MATR3: variants seen among roughly 807,000 people sequenced by gnomAD.
MATR3 encodes the protein matrin-3.
MATR3 carries 4 observed loss-of-function variants against 85.5 expected under a neutral mutation model. The observed-to-expected ratio is 0.05, with a 90% CI of 0.02 to 0.11. MATR3 has a LOEUF of 0.11. Ranked by LOEUF, MATR3 falls within the 10% of genes least tolerant of loss-of-function variation. MATR3 has a pLI of 1.00. For missense variants in MATR3, 685 were observed against 1,016.1 expected (o/e 0.67, Z 4.43); for synonymous variants, 336 against 343.1 (o/e 0.98, Z 0.23).
chr5:139,314,514 A>G, intron 2 of MATR3, 161 bp from the exon 3 acceptor site: 2 of 646,800 alleles, frequency 3.1e-6, no homozygotes, highest in African/African-American at 1.8e-5. Context: ...TCAAGGATTC[A>G]GAGAAATGGT....
chr5:139,316,894 C>T (rs1455444199), intron 5 of MATR3, among the ~76,000 whole-genome samples, 159 bp from the exon 6 acceptor site: 2 of 152,136 alleles, frequency 1.3e-5, no homozygotes, highest in Non-Finnish European at 2.9e-5. Context: ...AAGGCTCATT[C>T]AAATATTACA....
At chr5:139,300,224 G>T (rs1754369086) in intron 1 of MATR3, among the ~76,000 whole-genome samples, 2 of 152,128 alleles carry the variant, frequency 1.3e-5, no homozygotes, top group Admixed American at 1.3e-4. Context: ...AATTTGCCAG[G>T]TGTGGTGGTG....
chr5:139,297,744 A>G (rs1037761074), intron 1 of MATR3, among the ~76,000 whole-genome samples: 3 of 152,200 alleles, frequency 2.0e-5, no homozygotes, highest in African/African-American at 7.2e-5. Context: ...GATAAAGCTC[A>G]AGGCTCTTTG....
In MATR3 at chr5:139,322,578, G is replaced by A. The variant is rs756471273; in HGVS notation, c.1779-20G>A. 6.4e-7 allele frequency: 1 copy of A among 1,554,472 alleles called. No homozygotes were observed. The highest frequency in any genetic ancestry group is 1.2e-5 in the South Asian group (1 of 86,758). On this transcript the variant is annotated intron_variant, in intron 11 of 14. Transcript: ENST00000394805. ...TTTTTCAGACAACAAATTAATTGTG[G>A]TGTGTCCTTTTGATTTCAGAAAAAG...
At chr5:139,293,696 C>T (rs1292695312), upstream of MATR3, 3 of 322,006 alleles carry the variant, frequency 9.3e-6, no homozygotes, top group Admixed American at 5.0e-5. Context: ...GGGCTGCAGC[C>T]GCTGCCGCCG....
At chr5:139,294,174 A>C (rs1754008679) in intron 1 of MATR3, 1 of 769,942 alleles carries the variant, frequency 1.3e-6, no homozygotes, top group Non-Finnish European at 1.8e-6. Context: ...AGCCCGTTAC[A>C]CGCGGGCCGC....
chr5:139,314,459 T>C (rs1755147527), intron 2 of MATR3: 4 of 504,702 alleles, frequency 7.9e-6, no homozygotes, highest in East Asian at 3.6e-5. Context: ...GTTAATCCAG[T>C]TTTTCCAAGA....
At chr5:139,314,410 A>G (rs567711254) in intron 2 of MATR3, 26 of 419,510 alleles carry the variant, frequency 6.2e-5, no homozygotes, top group Non-Finnish European at 9.4e-5. Context: ...TATTAACTCT[A>G]TATCTTTTCC....
At chr5:139,323,987 A>G (rs1475830111) in intron 12 of MATR3, among the ~76,000 whole-genome samples, 1 of 152,076 alleles carries the variant, frequency 6.6e-6, no homozygotes, top group African/African-American at 2.4e-5. Flanking sequence ...ACCAATATTT[A>G]CCTCAGTTTT....
intron 13 of MATR3, 42 bp from the exon 14 acceptor site, chr5:139,326,121 A>G (rs760324243): frequency 6.7e-7 from 1 of 1,503,746 alleles, no homozygotes; most frequent in East Asian, 2.3e-5. Context: ...ACTAAATAAA[A>G]TCTTCAGTTT....
chr5:139,321,746 G>A, intron 9 of MATR3, 152 bp from the exon 10 acceptor site: 5 of 768,040 alleles, frequency 6.5e-6, no homozygotes, highest in Non-Finnish European at 1.0e-5. Context: ...TTGCGCCACT[G>A]CATTCCAGCC....
intron 2 of MATR3, chr5:139,278,592 C>A: frequency 2.8e-6 from 1 of 357,126 alleles, no homozygotes; most frequent in Non-Finnish European, 5.6e-6. Flanking sequence ...TGGCACATGG[C>A]AGGACCTCCC....
chr5:139,321,880 CTT>C lies in MATR3; in HGVS notation c.1603-15_1603-14del. The C allele has an allele frequency of 6.2e-7, 1 of 1,611,032 alleles. No homozygotes were observed. The highest frequency in any genetic ancestry group is 8.5e-7 in the Non-Finnish European group (1 of 1,178,940). On this transcript the variant is annotated splice_polypyrimidine_tract_variant and intron_variant, in intron 9 of 14. Coordinates refer to ENST00000394805, the MANE Select transcript of MATR3 (RefSeq NM_018834.6). Reference sequence around the variant, plus strand: ...TAAAATATAATGTGCTTTGTGGTTTCTTTTCTTTCTTTTTAAGGCTTTTATTG... The same window carrying C: ...TAAAATATAATGTGCTTTGTGGTTTCTTCTTTCTTTTTAAGGCTTTTATTG...
At chr5:139,303,299 A>C (rs1754546785) in intron 1 of MATR3, among the ~76,000 whole-genome samples, 1 of 152,104 alleles carries the variant, frequency 6.6e-6, no homozygotes, top group South Asian at 2.1e-4. Flanking sequence ...ACGAGGTTTC[A>C]CCATGTTGGC....
chr5:139,297,948 G>C (rs904920290), intron 1 of MATR3, among the ~76,000 whole-genome samples: 1 of 151,928 alleles, frequency 6.6e-6, no homozygotes, highest in Non-Finnish European at 1.5e-5. Context: ...CTGTGGAGAA[G>C]GAGAGAGTAG....
At chr5:139,293,945 G>GCGTT in intron 1 of MATR3, 140 bp downstream of exon 1, 1 of 1,208,738 alleles carries the variant, frequency 8.3e-7, no homozygotes, top group Non-Finnish European at 1.0e-6. Context: ...GCCTCCCTCC[G>GCGTT]CGTTGCGTAT....
At chr5:139,291,545 AT>A (rs1006908057), upstream of MATR3, among the ~76,000 whole-genome samples, 137 of 151,444 alleles carry the variant, frequency 9.0e-4, 1 homozygote, top group African/African-American at 3.2e-3. Context: ...TGGTAACTTC[AT>A]TTTTTTTTGA....
intron 3 of MATR3, chr5:139,280,423 G>A (rs2151868395): frequency 6.6e-6 from 1 of 152,168 alleles, no homozygotes; most frequent in East Asian, 1.9e-4. Flanking sequence ...AAAGTTTAAT[G>A]TTATCAATAG....
At chr5:139,306,848 G>T (rs1754737413) in intron 1 of MATR3, among the ~76,000 whole-genome samples, 2 of 152,048 alleles carry the variant, frequency 1.3e-5, no homozygotes, top group Non-Finnish European at 2.9e-5. Flanking sequence ...TCTTTGACTT[G>T]CTGACCTTGA....
Sources: allele counts gnomAD v4.1 joint callset (sites outside exome capture counted in the v4.1 genomes callset), GRCh38; gene constraint gnomAD v4.1.1; transcripts MANE v1.5; gene names NCBI Gene and HGNC (gene_info 2026-07-23, HGNC 2026-07-21).